AGBL1: variants seen among roughly 807,000 people sequenced by gnomAD.
The protein encoded by AGBL1 is cytosolic carboxypeptidase 4.
A neutral mutation model predicts 118.9 loss-of-function variants in AGBL1; 130 were observed. The ratio of observed to expected loss-of-function variants is 1.09; its 90% CI spans 0.95 to 1.26. The LOEUF (loss-of-function observed/expected upper bound fraction) is 1.26, where lower values mean the gene tolerates loss of function less well. Ranked by LOEUF, AGBL1 falls within the 50% of genes most tolerant of loss-of-function variation. The pLI, the probability that AGBL1 is intolerant of heterozygous loss-of-function variation, is 0.00. For synonymous variants in AGBL1, 555 were observed against 478.9 expected (o/e 1.16, Z -2.08); for missense variants, 1,584 against 1,298.1 (o/e 1.22, Z -3.38).
intron 22 of AGBL1, among the ~76,000 whole-genome samples, chr15:86,752,885 A>T (rs1224156932): frequency 6.6e-6 from 1 of 152,140 alleles, no homozygotes; most frequent in Non-Finnish European, 1.5e-5. Context: ...GATGAGGGAC[A>T]TTAATTGCTA....
chr15:86,698,104 T>TCTGCCATTTTTTCCTAC (rs1417022643), intron 22 of AGBL1, among the ~76,000 whole-genome samples: 2 of 152,012 alleles, frequency 1.3e-5, no homozygotes, highest in African/African-American at 2.4e-5. Context: ...CTGCCTCCTA[T>TCTGCCATTTTTTCCTAC]CCGCCATTTT....
intron 21 of AGBL1, among the ~76,000 whole-genome samples, chr15:86,604,711 A>G (rs555993908): frequency 1.3e-5 from 2 of 152,124 alleles, no homozygotes; most frequent in East Asian, 1.9e-4. Context: ...AATGAGCCCA[A>G]TAATTAAAAT....
intron 5 of AGBL1, among the ~76,000 whole-genome samples, chr15:86,203,961 A>G (rs72752170): frequency 0.12 from 17,992 of 152,264 alleles, 1,406 homozygotes; most frequent in Middle Eastern, 0.23. Flanking sequence ...TGAAAATAAA[A>G]TAAAAATTTA....
intron 21 of AGBL1, among the ~76,000 whole-genome samples, chr15:86,586,052 G>T (rs977174853): frequency 2.0e-5 from 3 of 152,164 alleles, no homozygotes; most frequent in African/African-American, 7.2e-5. Context: ...CCTCTGCACC[G>T]AATAGAACCA....
chr15:86,269,212 A>G lies in AGBL1; in HGVS notation c.1839-707A>G, dbSNP rs146173342. ...TTTATAGCATGGGAGTTATATCACA[A>G]TGAAAATGAAACAACCCCTGCATTG... On this transcript the variant is annotated intron_variant, in intron 13 of 22. Transcript: ENST00000614907. 8.5e-5 allele frequency among the ~76,000 whole-genome samples: 13 copies of G among 152,316 alleles called. No homozygotes were observed. The East Asian group carries it at 2.3e-3, about 27-fold the overall frequency.
chr15:86,711,950 C>G (rs1488679598), intron 22 of AGBL1, among the ~76,000 whole-genome samples: 1 of 152,158 alleles, frequency 6.6e-6, no homozygotes, highest in African/African-American at 2.4e-5. Context: ...CATTTGCTCT[C>G]TTAACAGCCT....
At chr15:86,771,992 C>T (rs578128070) in intron 22 of AGBL1, among the ~76,000 whole-genome samples, 41 of 151,932 alleles carry the variant, frequency 2.7e-4, no homozygotes, top group Non-Finnish European at 5.2e-4. Flanking sequence ...CTGAGAGGGG[C>T]AGAATGTACA....
At chr15:86,475,583 C>T (rs2082546160) in intron 18 of AGBL1, among the ~76,000 whole-genome samples, 2 of 152,038 alleles carry the variant, frequency 1.3e-5, no homozygotes, top group African/African-American at 2.4e-5. Flanking sequence ...GTGAAAAGAC[C>T]AAATCTACGT....
intron 24 of AGBL1, among the ~76,000 whole-genome samples, chr15:87,025,156 A>G (rs1262533083): frequency 6.6e-6 from 1 of 152,070 alleles, no homozygotes; most frequent in Admixed American, 6.6e-5. Context: ...AAAGAAATAA[A>G]GGGCATCCAA....
intron 13 of AGBL1, among the ~76,000 whole-genome samples, chr15:86,268,753 T>C (rs1390436651): frequency 1.3e-5 from 2 of 152,196 alleles, no homozygotes; most frequent in South Asian, 2.1e-4. Flanking sequence ...GGTTAGAGTG[T>C]GGTGCCCACA....
intron 22 of AGBL1, among the ~76,000 whole-genome samples, chr15:86,896,346 G>T (rs996285601): frequency 5.9e-5 from 9 of 151,602 alleles, no homozygotes; most frequent in Non-Finnish European, 1.0e-4. Context: ...TGTATCTTCT[G>T]CAGGCTGTAG....
rs183193063 is a variant in AGBL1 at position 86,346,127 on chromosome 15, C to T, written c.2374+50719C>T. Among the ~76,000 whole-genome samples the T allele has an allele frequency of 2.4e-4, 36 of 151,630 alleles. 1 individual carries two copies. Among genetic ancestry groups the T allele is most frequent in the Admixed American group, 2.0e-4 (3 of 15,246 alleles). On this transcript the variant is annotated intron_variant, in intron 17 of 22. Coordinates refer to ENST00000614907, the MANE Select transcript of AGBL1 (RefSeq NM_001386094.1). ...CCTCCCGAATAGCTGGGATTACAGGCGTGTGCCACCATACCCAGCTAATTT... is the reference window on the plus strand; with the variant it reads ...CCTCCCGAATAGCTGGGATTACAGGTGTGTGCCACCATACCCAGCTAATTT...
At chr15:86,094,024 T>A (rs959399335) in intron 1 of AGBL1, among the ~76,000 whole-genome samples, 2 of 152,302 alleles carry the variant, frequency 1.3e-5, no homozygotes, top group Admixed American at 1.3e-4. Flanking sequence ...TTTGAAATTA[T>A]ATCAAAAGTT....
Position 86,433,398 on chromosome 15 carries a change from G to T in AGBL1, c.2555+35852G>T, listed in dbSNP as rs2081963577. Among the ~76,000 whole-genome samples the T allele has an allele frequency of 2.0e-5, 3 of 150,654 alleles. No homozygotes were observed. The Admixed American group carries it at 2.0e-4, about 10-fold the overall frequency. The stretch of plus-strand genomic sequence containing the variant: ...GTTTAGCCCCTTCTAGAAGGAGGAA[G>T]GTGAAGGCCCCTGTTCAGGCTGTTC... On this transcript the variant is annotated intron_variant, in intron 18 of 22. Coordinates refer to ENST00000614907, the MANE Select transcript of AGBL1 (RefSeq NM_001386094.1).
At chr15:86,346,601 G>A (rs536518284) in intron 17 of AGBL1, among the ~76,000 whole-genome samples, 138 of 151,946 alleles carry the variant, frequency 9.1e-4, no homozygotes, top group African/African-American at 3.2e-3. Flanking sequence ...CTACCACCTC[G>A]GCCTCCCAAA....
At chr15:86,192,250 A>G (rs1174174686) in intron 5 of AGBL1, among the ~76,000 whole-genome samples, 1 of 150,180 alleles carries the variant, frequency 6.7e-6, no homozygotes, top group East Asian at 1.9e-4. Flanking sequence ...ATTTTATATT[A>G]AAAATATAGA....
chr15:86,468,883 G>A (rs1179070417), intron 18 of AGBL1, among the ~76,000 whole-genome samples: 1 of 152,142 alleles, frequency 6.6e-6, no homozygotes, highest in Non-Finnish European at 1.5e-5. Flanking sequence ...TCCCCTCTTG[G>A]AACCTAAATG....
Position 86,554,440 on chromosome 15 carries a change from C to T in AGBL1, c.2897C>T (p.Ala966Val). ...AGCTTTCTCGTGGAGAAATCTCGAG[C>T]TTCCACGGCCCGGGTGGTGGTGTGG... ...SCSFLVEKSRASTARVVVWRE... is the reference protein window; with the variant it reads ...SCSFLVEKSRVSTARVVVWRE... The change falls in exon 21 of 23, where the codon GCT (alanine) becomes GTT (valine). Residue 966 changes from alanine to valine, a missense_variant. Physicochemically the swap from Ala to Val is moderately conservative, Grantham distance 64. Coordinates refer to ENST00000614907, the MANE Select transcript of AGBL1 (RefSeq NM_001386094.1). 2 of 1,588,094 alleles carry T rather than the reference C, an allele frequency of 1.3e-6. No individual in the cohort carries two copies. The highest frequency in any genetic ancestry group is 1.7e-6 in the Non-Finnish European group (2 of 1,167,044).
In AGBL1 at chr15:86,941,405, C is replaced by T. The variant is rs550229320; in HGVS notation, c.3222-46582C>T. 2.6e-5 allele frequency among the ~76,000 whole-genome samples: 4 copies of T among 152,228 alleles called. No homozygotes were observed. In the South Asian group the frequency reaches 8.3e-4, roughly 32 times the overall value. On this transcript the variant is annotated intron_variant, in intron 23 of 24. Transcript: ENST00000441037. ...ATTGGAGTAATCAGGAATTAGGTCA[C>T]TGGAAGTCGAGAACTCTAAAGAACA... is the stretch of plus-strand genomic sequence containing the variant.
Sources: gnomAD v4.1 joint callset for allele counts (sites outside exome capture counted in the v4.1 genomes callset) on GRCh38, gnomAD v4.1.1 for gene constraint, MANE v1.5 for transcripts, NCBI Gene and HGNC (gene_info 2026-07-23, HGNC 2026-07-21) for gene names.